The following DDX27 variants were observed in gnomAD, a reference collection of about 807,000 sequenced individuals.
DDX27 encodes DEAD-box helicase 27.
In DDX27, 42 loss-of-function variants were observed where a neutral mutation model predicts 99.3. The observed-to-expected ratio is 0.42, with a 90% CI of 0.33 to 0.55. DDX27 has a LOEUF of 0.55. Among genes scored for constraint, DDX27 ranks in the 20% least tolerant of loss-of-function variants. The pLI is 0.07. For missense variants in DDX27, 798 were observed against 976.8 expected (o/e 0.82, Z 2.44); for synonymous variants, 329 against 353.8 (o/e 0.93, Z 0.79).
At position 49,222,942 on chromosome 20, in the gene DDX27, T is replaced by A. The variant is rs1249167615; in HGVS notation, c.241-15T>A. ...AATGAAAATTTCTTTTTCACCTCTT[T>A]ATTTTTATCTGCAGAGGGCAGCCAC... On this transcript the variant is annotated splice_polypyrimidine_tract_variant and intron_variant, in intron 2 of 20. Transcript: ENST00000618172. 1 of 1,591,960 alleles carries A rather than the reference T, an allele frequency of 6.3e-7. No individual in the cohort carries two copies. The highest frequency in any genetic ancestry group is 1.8e-5 in the Admixed American group (1 of 54,204).
intron 7 of DDX27, among the ~76,000 whole-genome samples, chr20:49,227,180 A>C (rs984165144): frequency 6.6e-6 from 1 of 152,056 alleles, no homozygotes; most frequent in Non-Finnish European, 1.5e-5. Flanking sequence ...AGGACTTTTA[A>C]ATTTTTAACC....
At chr20:49,227,105 G>A (rs546317433) in intron 7 of DDX27, among the ~76,000 whole-genome samples, 21 of 148,522 alleles carry the variant, frequency 1.4e-4, no homozygotes, top group South Asian at 6.4e-4. Context: ...CTCGTGATCC[G>A]CCCGCCTTGG....
At chr20:49,229,341 A>G (rs1038107793) in intron 8 of DDX27, among the ~76,000 whole-genome samples, 5 of 152,106 alleles carry the variant, frequency 3.3e-5, no homozygotes, top group Admixed American at 1.3e-4. Flanking sequence ...ACATGTTTTC[A>G]TAGTGCTTTA....
rs563610289 is a variant in DDX27, at chr20:49,241,874, T to C, written c.1898-19T>C. 4 of 1,611,922 alleles carry C rather than the reference T, an allele frequency of 2.5e-6. No individual in the cohort carries two copies. Among genetic ancestry groups the C allele is most frequent in the Admixed American group, 3.3e-5 (2 of 59,982 alleles). On this transcript the variant is annotated intron_variant, in intron 16 of 20. Coordinates refer to ENST00000618172, the MANE Select transcript of DDX27 (RefSeq NM_017895.8). ...AGATAAAATCATCCCTGAAATCTTA[T>C]GCTTTCTTCTCATCCCAGTTGCCAA...
At chr20:49,221,384 G>C (rs901715543) in intron 1 of DDX27, 68 bp from the exon 2 acceptor site, 4 of 1,591,168 alleles carry the variant, frequency 2.5e-6, no homozygotes, top group African/African-American at 2.7e-5. Context: ...CACTGTGCCT[G>C]GCCCCTTCTT....
rs1461616455 is a variant in DDX27, at chr20:49,228,566, T to C, written c.707-149T>C. 4 of 831,226 alleles carry C rather than the reference T, an allele frequency of 4.8e-6. No homozygotes were observed. In the African/African-American group the frequency reaches 5.3e-5, roughly 11 times the overall value. The allele number at this position is 831,226 out of a possible 1,614,324, so 51.5% of individuals were successfully genotyped here. ...GGGATTACATATGTGAGCCTGACCA[T>C]GTGATTTGAAAGCAGAAAAAATATT... is the stretch of plus-strand genomic sequence containing the variant. On this transcript the variant is annotated intron_variant, in intron 7 of 20. Coordinates refer to ENST00000618172, the MANE Select transcript of DDX27 (RefSeq NM_017895.8).
chr20:49,233,455 G>T (rs922956689), intron 10 of DDX27, 50 bp downstream of exon 10: 4 of 1,605,258 alleles, frequency 2.5e-6, no homozygotes, highest in Non-Finnish European at 3.4e-6. Context: ...CCCAGAGGGG[G>T]CCATGCAGAG....
intron 8 of DDX27, among the ~76,000 whole-genome samples, chr20:49,229,726 G>A (rs1011673551): frequency 1.4e-5 from 2 of 148,116 alleles, no homozygotes. Flanking sequence ...TTGGCTCACT[G>A]CAACCTCCAC....
At chr20:49,223,216 G>A (rs1333934481) in intron 3 of DDX27, 52 bp from the exon 4 acceptor site, 11 of 1,572,496 alleles carry the variant, frequency 7.0e-6, no homozygotes, top group South Asian at 2.4e-5. Flanking sequence ...CTCTACTTAG[G>A]TTCTGGATTT....
Position 49,236,252 on chromosome 20 carries a change from T to C in DDX27, c.1509+21T>C, listed in dbSNP as rs775161850. Reference sequence around the variant, plus strand: ...AAACGGTGAGCAGACACTATCTTCCTTGGACTTTTGGTGGAAGTCTTTTTG... The same window carrying C: ...AAACGGTGAGCAGACACTATCTTCCCTGGACTTTTGGTGGAAGTCTTTTTG... On this transcript the variant is annotated intron_variant, in intron 13 of 20. Transcript: ENST00000618172. The surrounding 1 kb of genome is among the most constrained non-coding windows in gnomAD (Gnocchi z 4.1). 2 of 1,584,302 alleles carry C rather than the reference T, an allele frequency of 1.3e-6. No homozygotes were observed. The highest frequency in any genetic ancestry group is 1.4e-5 in the African/African-American group (1 of 74,050).
At chr20:49,234,286 CAG>C (rs1980231294) in intron 11 of DDX27, 2 of 150,134 alleles carry the variant, frequency 1.3e-5, no homozygotes, top group South Asian at 4.2e-4. Context: ...TTCTTTGAGG[CAG>C]AGTCTTGCTC....
intron 8 of DDX27, 83 bp downstream of exon 8, chr20:49,228,971 T>TGGTGACA: frequency 7.6e-7 from 1 of 1,316,068 alleles, no homozygotes; most frequent in Non-Finnish European, 1.0e-6. Flanking sequence ...CTGTTGGTGT[T>TGGTGACA]GGTGACAGGT....
intron 4 of DDX27, 139 bp downstream of exon 4, chr20:49,223,572 CTTTTTT>C (rs375594056): frequency 2.3e-6 from 1 of 439,030 alleles, no homozygotes; most frequent in Non-Finnish European, 3.6e-6. Flanking sequence ...TCCTTTCTTT[CTTTTTT>C]TTTTTTTTTT....
rs188178872 is a variant in DDX27, at chr20:49,229,076, C to T, written c.880+188C>T. ...TTGAGACGGAGGAGTCTCGCTCTGTCGCCCAGGCTGGAGTGCAGTGGCGCA... is the reference window on the plus strand; with the variant it reads ...TTGAGACGGAGGAGTCTCGCTCTGTTGCCCAGGCTGGAGTGCAGTGGCGCA... On this transcript the variant is annotated intron_variant, in intron 8 of 20. Transcript: ENST00000618172. 1.7e-4 allele frequency among the ~76,000 whole-genome samples: 25 copies of T among 143,490 alleles called. 1 individual carries two copies. The highest frequency in any genetic ancestry group is 4.1e-4 in the East Asian group (2 of 4,870). 94.1% of individuals were successfully genotyped at this position (143,490 alleles called of 152,430 possible).
rs373516675 is a variant in DDX27, at chr20:49,221,442, C to T, written c.94-10C>T. 12 of 1,612,926 alleles carry T rather than the reference C, an allele frequency of 7.4e-6. No individual in the cohort carries two copies. Among genetic ancestry groups the T allele is most frequent in the Admixed American group, 3.3e-5 (2 of 59,962 alleles). Reference sequence around the variant, plus strand: ...AGCCCCAAAGTCACTCTGTCTCTTACTCTTCCCAGGGGCCCATTGTGCTGG... The same window carrying T: ...AGCCCCAAAGTCACTCTGTCTCTTATTCTTCCCAGGGGCCCATTGTGCTGG... On this transcript the variant is annotated splice_polypyrimidine_tract_variant and intron_variant, in intron 1 of 20. Coordinates refer to ENST00000618172, the MANE Select transcript of DDX27 (RefSeq NM_017895.8).
chr20:49,221,680 A>T, intron 2 of DDX27, 82 bp downstream of exon 2: 1 of 1,278,080 alleles, frequency 7.8e-7, no homozygotes, highest in Non-Finnish European at 1.1e-6. Context: ...CCCTGACCTG[A>T]CTGACCATCT....
At chr20:49,226,885 C>G (rs1305005025) in intron 7 of DDX27, among the ~76,000 whole-genome samples, 1 of 12,010 alleles carries the variant, frequency 8.3e-5, no homozygotes, top group East Asian at 1.3e-3. Context: ...TTTTTTGAGA[C>G]GGAGTCTCGC....
Position 49,243,995 on chromosome 20 carries a change from C to A in DDX27, c.*161C>A. 1 of 747,304 alleles carries A rather than the reference C, an allele frequency of 1.3e-6. No individual in the cohort carries two copies. Among genetic ancestry groups the A allele is most frequent in the South Asian group, 1.8e-5 (1 of 54,794 alleles). The allele number at this position is 747,304 out of a possible 1,614,324, so 46.3% of individuals were successfully genotyped here. A position where few individuals can be genotyped will look rare whatever the true frequency, so the allele number is the denominator to read the frequency against. ...TATGGTACGTAGCTATTTTCCTAAGCATGTCTGTCAATCTCCCTTCTTGCT... is the reference window on the plus strand; with the variant it reads ...TATGGTACGTAGCTATTTTCCTAAGAATGTCTGTCAATCTCCCTTCTTGCT... On this transcript the variant is annotated 3_prime_UTR_variant, in exon 21 of 21. Coordinates refer to ENST00000618172, the MANE Select transcript of DDX27 (RefSeq NM_017895.8).
In DDX27 at chr20:49,226,507, C is replaced by T. The variant is rs1387462734; in HGVS notation, c.678C>T (p.Asp226=). Residue 226 remains aspartate, a synonymous_variant, in exon 7 of 21, where the codon GAC becomes GAT. Transcript: ENST00000618172. ...ACIPVGLLGK[D]ICACAATGTG... The stretch of plus-strand genomic sequence containing the variant: ...TACCTGTGGGTCTATTGGGGAAGGA[C>T]ATCTGTGCCTGTGCAGCCACTGGGA... The T allele has an allele frequency of 1.2e-6, 2 of 1,614,104 alleles. No homozygotes were observed. The highest frequency in any genetic ancestry group is 2.2e-5 in the East Asian group (1 of 44,876).
Sources: allele counts gnomAD v4.1 joint callset (sites outside exome capture counted in the v4.1 genomes callset), GRCh38; gene constraint gnomAD v4.1.1; non-coding constraint Gnocchi (gnomAD v3.1); transcripts MANE v1.5; gene names NCBI Gene and HGNC (gene_info 2026-07-23, HGNC 2026-07-21).